Variants in DCST2 observed in about 807,000 individuals in gnomAD.
DCST2 encodes the protein DC-STAMP domain containing 2.
Under a neutral mutation model 81.8 loss-of-function variants are expected in DCST2, and 64 were observed. The observed-to-expected ratio is 0.78, with a 90% CI of 0.64 to 0.96. The LOEUF (loss-of-function observed/expected upper bound fraction) is 0.96. Ranked by LOEUF, DCST2 falls within the 40% of genes least tolerant of loss-of-function variation. The probability of loss-of-function intolerance (pLI) is 0.00; values close to 1 mark genes in which losing one functional copy is unlikely to be tolerated. For missense variants in DCST2, 945 were observed against 1,001.4 expected (o/e 0.94, Z 0.76); for synonymous variants, 354 against 402.6 (o/e 0.88, Z 1.44).
intron 8 of DCST2, among the ~76,000 whole-genome samples, chr1:155,027,884 A>G (rs1387442207): frequency 2.7e-5 from 4 of 150,448 alleles, no homozygotes; most frequent in Non-Finnish European, 5.9e-5. Context: ...TTAATGGCTT[A>G]CCAGGCACTC....
intron 14 of DCST2, among the ~76,000 whole-genome samples, chr1:155,019,756 A>G (rs1036192188): frequency 9.1e-6 from 1 of 110,364 alleles, no homozygotes; most frequent in African/African-American, 3.1e-5. Context: ...CATGGCTACC[A>G]CATTTGCCAG....
At position 155,020,065 on chromosome 1, in the gene DCST2, C is replaced by T. The variant is rs1394825467; in HGVS notation, c.2106-1305G>A. Among the ~76,000 whole-genome samples, 51 of 152,166 alleles carry T rather than the reference C, an allele frequency of 3.4e-4. 1 individual carries two copies. The highest frequency in any genetic ancestry group is 7.3e-5 in the Non-Finnish European group (5 of 68,036). ...GGGAACCTATACTCTCCCCCTCTGC[C>T]TCTGCCAGCCTGCTCCTTTCTCAGG... On this transcript the variant is annotated intron_variant, in intron 14 of 14. Transcript: ENST00000368424.
chr1:155,030,771 G>T, intron 5 of DCST2, 126 bp from the exon 6 acceptor site: 1 of 1,009,148 alleles, frequency 9.9e-7, no homozygotes, highest in Non-Finnish European at 1.5e-6. Flanking sequence ...ACCCCCCAGT[G>T]CTTGGGTCAA....
At chr1:155,028,020 G>A (rs1185264576) in intron 8 of DCST2, among the ~76,000 whole-genome samples, 1 of 151,514 alleles carries the variant, frequency 6.6e-6, no homozygotes, top group Non-Finnish European at 1.5e-5. Context: ...TGCCTCCCAG[G>A]TTCAAGTGAT....
At chr1:155,025,702 TTTG>T (rs1443277059) in intron 10 of DCST2, among the ~76,000 whole-genome samples, 1 of 151,208 alleles carries the variant, frequency 6.6e-6, no homozygotes, top group Non-Finnish European at 1.5e-5. Context: ...TTTGTTTTGT[TTTG>T]TTTTGTTTTT....
chr1:155,026,747 A>C, intron 8 of DCST2, 32 bp from the exon 9 acceptor site: 3 of 1,611,848 alleles, frequency 1.9e-6, no homozygotes, highest in Non-Finnish European at 2.5e-6. Flanking sequence ...AGTGACACTC[A>C]TGGCAGTTGC....
intron 8 of DCST2, 55 bp downstream of exon 8, chr1:155,029,178 A>G (rs1236393553): frequency 1.3e-6 from 2 of 1,589,220 alleles, no homozygotes; most frequent in Non-Finnish European, 1.7e-6. Context: ...GATCAGAAAC[A>G]GGCCGAGGGG....
chr1:155,024,563 G>A lies in DCST2; in HGVS notation c.1651C>T (p.Arg551Ter), dbSNP rs765893190. ...SYLYNVLLSR[R>*]TNLLAALHRS... ...TGCAGGGCAGCCAACAGATTGGTTCGGCGGCTCAGAAGTACATTGTACAGG... is the reference window on the plus strand; with the variant it reads ...TGCAGGGCAGCCAACAGATTGGTTCAGCGGCTCAGAAGTACATTGTACAGG... Residue 551 changes from arginine (R) to a stop codon, truncating the protein, a stop_gained, in exon 11 of 15, where the codon CGA becomes TGA. Coordinates refer to ENST00000368424, the MANE Select transcript of DCST2 (RefSeq NM_144622.3). LOFTEE classifies it high-confidence loss of function. 108 of 1,609,304 alleles carry A rather than the reference G, an allele frequency of 6.7e-5. No homozygotes were observed. Among genetic ancestry groups the A allele is most frequent in the South Asian group, 4.5e-5 (4 of 89,554 alleles).
In DCST2 at chr1:155,026,280, C is replaced by T. The variant is rs750597639; in HGVS notation, c.1611+22G>A. On this transcript the variant is annotated intron_variant, in intron 10 of 14. Coordinates refer to ENST00000368424, the MANE Select transcript of DCST2 (RefSeq NM_144622.3). ...CCCCTGGGGAGGGGGCAGGGACTAG[C>T]TCCCAGCCCCGGACCCCTCACCTGC... 3 of 1,610,524 alleles carry T rather than the reference C, an allele frequency of 1.9e-6. 1 individual carries two copies. The South Asian group carries it at 3.3e-5, about 18-fold the overall frequency.
At chr1:155,031,146 T>A in intron 5 of DCST2, 23 bp downstream of exon 5, 1 of 1,582,908 alleles carries the variant, frequency 6.3e-7, no homozygotes, top group Non-Finnish European at 8.6e-7. Context: ...GAGCACCATA[T>A]GTGGCAGGAG....
At chr1:155,019,205 G>T (rs1659670157) in intron 14 of DCST2, among the ~76,000 whole-genome samples, 1 of 152,212 alleles carries the variant, frequency 6.6e-6, no homozygotes, top group African/African-American at 2.4e-5. Context: ...CCCAAGAGGA[G>T]GCAGCTTAAC....
intron 4 of DCST2, 114 bp from the exon 5 acceptor site, chr1:155,031,348 A>G (rs1405780476): frequency 1.7e-6 from 2 of 1,194,394 alleles, no homozygotes; most frequent in Non-Finnish European, 2.3e-6. Flanking sequence ...TGGCCTCCAC[A>G]TTTGCTCAAA....
At chr1:155,018,898 A>G (rs1040449184) in intron 14 of DCST2, 138 bp from the exon 15 acceptor site, 33 of 828,452 alleles carry the variant, frequency 4.0e-5, no homozygotes, top group Non-Finnish European at 6.2e-5. Flanking sequence ...CAGGCCCACG[A>G]GGCGTACCAG....
At chr1:155,028,644 G>A (rs980273211) in intron 8 of DCST2, among the ~76,000 whole-genome samples, 2 of 150,764 alleles carry the variant, frequency 1.3e-5, no homozygotes, top group African/African-American at 2.4e-5. Flanking sequence ...GGAGGCCAAG[G>A]CCAGCAGATC....
At chr1:155,019,108 T>G (rs768777877) in intron 14 of DCST2, among the ~76,000 whole-genome samples, 1 of 152,166 alleles carries the variant, frequency 6.6e-6, no homozygotes, top group Non-Finnish European at 1.5e-5. Context: ...AAAGCTTTGC[T>G]TCCCCTTCAA....
In DCST2 at chr1:155,033,266, TG is replaced by T. The variant is rs781141862; in HGVS notation, c.269-3del. On this transcript the variant is annotated splice_polypyrimidine_tract_variant and splice_region_variant and intron_variant, in intron 1 of 14. Coordinates refer to ENST00000368424, the MANE Select transcript of DCST2 (RefSeq NM_144622.3). ...CCAACAGTAGTGTCCGGCCCTGCCC[TG>T]GGGGCGACAGCTTTGTTAGAACCAA... 2.6e-5 allele frequency: 42 copies of T among 1,606,684 alleles called. No individual in the cohort carries two copies. Among genetic ancestry groups the T allele is most frequent in the Non-Finnish European group, 3.5e-5 (41 of 1,177,264 alleles).
In DCST2 at chr1:155,024,899, A is replaced by G. The variant is rs577916405; in HGVS notation, c.1612-297T>C. ...CGTTGTGGCTCACGCCTGTAATCCCAGCACTTTGGGAGGCCGAGGCGGGTG... is the reference window on the plus strand; with the variant it reads ...CGTTGTGGCTCACGCCTGTAATCCCGGCACTTTGGGAGGCCGAGGCGGGTG... On this transcript the variant is annotated intron_variant, in intron 10 of 14. Transcript: ENST00000368424. 3.9e-5 allele frequency among the ~76,000 whole-genome samples: 6 copies of G among 152,248 alleles called. No individual in the cohort carries two copies. In the South Asian group the frequency reaches 1.0e-3, roughly 26 times the overall value.
chr1:155,023,371 G>C lies in DCST2; in HGVS notation c.1957C>G (p.Leu653Val). Reference protein sequence around the residue: ...SPLSYQGDLDLELDSSDEEGP... With the variant: ...SPLSYQGDLDVELDSSDEEGP... ...TGTCACTGAAAGACTCACAGCTCCA[G>C]GTCCAGGTCCCCCTGGTAGGAGAGG... The change falls in exon 13 of 15, where the codon CTG becomes GTG. Residue 653 changes from leucine (L) to valine (V), a missense_variant. Transcript: ENST00000368424. 1 of 1,608,838 alleles carries C rather than the reference G, an allele frequency of 6.2e-7. No individual in the cohort carries two copies. Among genetic ancestry groups the C allele is most frequent in the Non-Finnish European group, 8.5e-7 (1 of 1,177,532 alleles).
At chr1:155,019,046 C>T (rs973414178) in intron 14 of DCST2, among the ~76,000 whole-genome samples, 2 of 152,214 alleles carry the variant, frequency 1.3e-5, no homozygotes, top group African/African-American at 4.8e-5. Context: ...AAGCTGTCCC[C>T]TCTGCTGACC....
Sources: allele counts gnomAD v4.1 joint callset (sites outside exome capture counted in the v4.1 genomes callset), GRCh38; gene constraint gnomAD v4.1.1; transcripts MANE v1.5; gene names NCBI Gene and HGNC (gene_info 2026-07-23, HGNC 2026-07-21).